Variants in ASCC3 observed in about 807,000 individuals in gnomAD.
ASCC3 encodes the protein activating signal cointegrator 1 complex subunit 3.
ASCC3 carries 158 observed loss-of-function variants against 256.3 expected under a neutral mutation model. The observed-to-expected ratio is 0.62, with a 90% CI of 0.54 to 0.70. The LOEUF (loss-of-function observed/expected upper bound fraction) is 0.70, where lower values mean the gene tolerates loss of function less well. Ranked by LOEUF, ASCC3 falls within the 30% of genes least tolerant of loss-of-function variation. ASCC3 has a pLI of 0.00. For missense variants in ASCC3, 2,259 were observed against 2,626.0 expected (o/e 0.86, Z 3.05); for synonymous variants, 948 against 883.4 (o/e 1.07, Z -1.30).
intron 17 of ASCC3, among the ~76,000 whole-genome samples, chr6:100,655,028 G>A (rs1377833274): frequency 5.9e-5 from 9 of 151,844 alleles, no homozygotes; most frequent in Admixed American, 5.9e-4. Context: ...TATGATCATT[G>A]TAGAATAATG....
chr6:100,648,232 TC>T (rs145114191), intron 20 of ASCC3, among the ~76,000 whole-genome samples: 2,282 of 152,210 alleles, frequency 0.015, 53 homozygotes, highest in African/African-American at 0.051. Context: ...ATGAATGTAG[TC>T]TTTTTCTTCA....
At chr6:100,642,217 C>T (rs1346346827) in intron 24 of ASCC3, among the ~76,000 whole-genome samples, 1 of 151,444 alleles carries the variant, frequency 6.6e-6, no homozygotes, top group East Asian at 1.9e-4. Flanking sequence ...CACAAACTCA[C>T]TTGAGGTATG....
At chr6:100,813,633 G>C (rs904581795) in intron 4 of ASCC3, among the ~76,000 whole-genome samples, 62 of 152,100 alleles carry the variant, frequency 4.1e-4, no homozygotes, top group African/African-American at 1.5e-3. Context: ...GTGTTTGTGT[G>C]TGCGTGTATG....
intron 4 of ASCC3, among the ~76,000 whole-genome samples, chr6:100,831,581 T>C (rs1771621372): frequency 6.6e-6 from 1 of 152,104 alleles, no homozygotes; most frequent in South Asian, 2.1e-4. Flanking sequence ...ATGGAGCTTC[T>C]GCGTTCATGA....
intron 17 of ASCC3, among the ~76,000 whole-genome samples, chr6:100,653,934 T>C (rs1427588739): frequency 6.6e-6 from 1 of 151,632 alleles, no homozygotes. Context: ...GTAGGGGGAG[T>C]ATTAAAACAA....
At chr6:100,777,725 G>T (rs560605923) in intron 8 of ASCC3, among the ~76,000 whole-genome samples, 1 of 152,098 alleles carries the variant, frequency 6.6e-6, no homozygotes. Flanking sequence ...TCAGGACTAA[G>T]TTGAAATGTT....
intron 3 of ASCC3, among the ~76,000 whole-genome samples, chr6:100,860,858 A>G (rs1773191143): frequency 1.3e-5 from 2 of 152,140 alleles, no homozygotes; most frequent in African/African-American, 4.8e-5. Flanking sequence ...CATGTGATTC[A>G]ATGGCAAAGA....
intron 36 of ASCC3, among the ~76,000 whole-genome samples, chr6:100,557,192 T>C (rs1185731979): frequency 2.0e-5 from 3 of 152,202 alleles, no homozygotes; most frequent in Non-Finnish European, 4.4e-5. Flanking sequence ...TGTTACATGC[T>C]CCGTTGTGAT....
At chr6:100,574,104 A>T (rs962858510) in intron 36 of ASCC3, among the ~76,000 whole-genome samples, 2 of 152,138 alleles carry the variant, frequency 1.3e-5, no homozygotes, top group African/African-American at 4.8e-5. Flanking sequence ...TGTTTTCATT[A>T]AGCTTTTAGG....
In ASCC3 at chr6:100,510,118, G is replaced by GA; in HGVS notation, c.6286-12dup. The GA allele has an allele frequency of 6.2e-7, 1 of 1,613,692 alleles. No individual in the cohort carries two copies. The highest frequency in any genetic ancestry group is 8.5e-7 in the Non-Finnish European group (1 of 1,179,854). On this transcript the variant is annotated splice_polypyrimidine_tract_variant and intron_variant, in intron 40 of 41. Transcript: ENST00000369162. ...GCTCTCTGGCTTTCCCTGTAAACCA[G>GA]AAAAAAAGATACAACATTAAAAATA...
intron 37 of ASCC3, among the ~76,000 whole-genome samples, chr6:100,524,237 T>C (rs941503186): frequency 1.3e-5 from 2 of 152,146 alleles, no homozygotes; most frequent in African/African-American, 4.8e-5. Flanking sequence ...ACATCTGACC[T>C]TGTTTCCCAC....
intron 23 of ASCC3, 48 bp downstream of exon 23, chr6:100,643,982 AT>A (rs750736287): frequency 1.9e-4 from 248 of 1,300,496 alleles, no homozygotes; most frequent in Non-Finnish European, 2.1e-4. Flanking sequence ...TGTTAGTATA[AT>A]TTTTTTTACA....
intron 16 of ASCC3, among the ~76,000 whole-genome samples, chr6:100,660,400 TAA>T (rs1776135473): frequency 6.6e-6 from 1 of 151,588 alleles, no homozygotes; most frequent in African/African-American, 2.4e-5. Context: ...CATTTTATAT[TAA>T]GAGACTTTGT....
rs777366197 is a variant in ASCC3 at position 100,518,166 on chromosome 6, T to G, written c.5776-24A>C. On this transcript the variant is annotated intron_variant, in intron 37 of 41. Coordinates refer to ENST00000369162, the MANE Select transcript of ASCC3 (RefSeq NM_006828.4). ...GCCTGAACAGGGAAAATGCACATGT[T>G]ACAAGAATTATATCATGGTACTTGC... 3.7e-6 allele frequency: 6 copies of G among 1,612,906 alleles called. No homozygotes were observed. In the African/African-American group the frequency reaches 8.0e-5, roughly 22 times the overall value.
At chr6:100,753,669 C>T (rs1053721735) in intron 10 of ASCC3, among the ~76,000 whole-genome samples, 4 of 151,984 alleles carry the variant, frequency 2.6e-5, no homozygotes, top group South Asian at 2.1e-4. Context: ...CTTGCCACTG[C>T]GTCCTGCAAA....
At chr6:100,629,296 C>T (rs1386524977) in intron 26 of ASCC3, 115 bp from the exon 27 acceptor site, 9 of 969,984 alleles carry the variant, frequency 9.3e-6, no homozygotes, top group Non-Finnish European at 1.4e-5. Context: ...ATTACTTTAT[C>T]TACCTTTGAT....
chr6:100,850,607 A>G (rs889450589), intron 3 of ASCC3, among the ~76,000 whole-genome samples: 2 of 152,220 alleles, frequency 1.3e-5, no homozygotes, highest in Non-Finnish European at 2.9e-5. Flanking sequence ...CTGCTATTCA[A>G]TCATGTGTAG....
At chr6:100,680,656 G>A (rs1485425314) in intron 13 of ASCC3, among the ~76,000 whole-genome samples, 2 of 152,108 alleles carry the variant, frequency 1.3e-5, no homozygotes, top group Non-Finnish European at 2.9e-5. Context: ...TAGTATGTGT[G>A]GGTGCAGTAA....
chr6:100,515,298 A>C (rs567515558), intron 39 of ASCC3, among the ~76,000 whole-genome samples: 100 of 152,290 alleles, frequency 6.6e-4, no homozygotes, highest in African/African-American at 2.4e-3. Context: ...ATTTTGTGCC[A>C]ATCTTGGGTT....
Sources: allele counts gnomAD v4.1 joint callset (sites outside exome capture counted in the v4.1 genomes callset), GRCh38; gene constraint gnomAD v4.1.1; transcripts MANE v1.5; gene names NCBI Gene and HGNC (gene_info 2026-07-23, HGNC 2026-07-21).